Variants in FLNB observed in about 807,000 individuals in gnomAD.
FLNB encodes the protein filamin B, also known as filamin-B.
FLNB carries 111 observed loss-of-function variants against 250.6 expected under a neutral mutation model. The observed-to-expected ratio is 0.44, with a 90% CI of 0.38 to 0.52. The LOEUF is 0.52. Among genes scored for constraint, FLNB ranks in the 20% least tolerant of loss-of-function variants. The pLI, the probability that FLNB is intolerant of heterozygous loss-of-function variation, is 0.00. For synonymous variants in FLNB, 1,302 were observed against 1,372.1 expected (o/e 0.95, Z 1.13); for missense variants, 2,869 against 3,447.8 (o/e 0.83, Z 4.20).
At position 58,106,816 on chromosome 3, in the gene FLNB, G is replaced by A; in HGVS notation, c.1884G>A (p.Lys628=). The A allele has an allele frequency of 6.2e-7, 1 of 1,614,122 alleles. No homozygotes were observed. The highest frequency in any genetic ancestry group is 8.5e-7 in the Non-Finnish European group (1 of 1,180,018). ...TCATGTGTGACGACGAAGACATCAAGGACAGCCCGTACATGGCCTTCATCC... is the reference window on the plus strand; with the variant it reads ...TCATGTGTGACGACGAAGACATCAAAGACAGCCCGTACATGGCCTTCATCC... ...VHIMCDDEDI[K]DSPYMAFIHP... Residue 628 remains lysine (K), a synonymous_variant, in exon 12 of 46, where the codon AAG becomes AAA. Coordinates refer to ENST00000295956, the MANE Select transcript of FLNB (RefSeq NM_001457.4).
chr3:58,020,189 C>T (rs2097111743), intron 1 of FLNB, among the ~76,000 whole-genome samples: 1 of 151,800 alleles, frequency 6.6e-6, no homozygotes, highest in Non-Finnish European at 1.5e-5. Context: ...ATGAGTTCAC[C>T]CACACCCTTT....
chr3:58,069,698 C>T (rs1256882751), intron 1 of FLNB, among the ~76,000 whole-genome samples: 1 of 152,122 alleles, frequency 6.6e-6, no homozygotes, highest in Non-Finnish European at 1.5e-5. Flanking sequence ...GTCCTTCTTG[C>T]AGAGATCTCA....
In FLNB at chr3:58,057,060, G is replaced by A. The variant is rs139901941; in HGVS notation, c.293-19986G>A. Among the ~76,000 whole-genome samples the A allele has an allele frequency of 3.0e-3, 450 of 152,250 alleles. 2 individuals carry two copies. The highest frequency in any genetic ancestry group is 0.01 in the Middle Eastern group (3 of 294). On this transcript the variant is annotated intron_variant, in intron 1 of 45. Coordinates refer to ENST00000295956, the MANE Select transcript of FLNB (RefSeq NM_001457.4). ...AGTGGCATGAACAGGGCTCACTGCA[G>A]CCTTGACCTCCTGGGCTCAATCCTC...
intron 4 of FLNB, among the ~76,000 whole-genome samples, chr3:58,089,243 A>T (rs1162156704): frequency 1.3e-5 from 2 of 152,204 alleles, no homozygotes; most frequent in Admixed American, 1.3e-4. Context: ...AGCCATTAAA[A>T]AAGGCTTCAG....
Position 58,037,493 on chromosome 3 carries a change from C to T in FLNB, c.292+28637C>T, listed in dbSNP as rs142933950. Among the ~76,000 whole-genome samples, 22 of 152,332 alleles carry T rather than the reference C, an allele frequency of 1.4e-4. No individual in the cohort carries two copies. In the South Asian group the frequency reaches 2.7e-3, roughly 19 times the overall value. Reference sequence around the variant, plus strand: ...GGGAGGTTCCTTCACCCTTGCCTCCCGCTGCCTCCTCTTGACCACTCATTT... The same window carrying T: ...GGGAGGTTCCTTCACCCTTGCCTCCTGCTGCCTCCTCTTGACCACTCATTT... On this transcript the variant is annotated intron_variant, in intron 1 of 45. Coordinates refer to ENST00000295956, the MANE Select transcript of FLNB (RefSeq NM_001457.4).
At chr3:58,069,058 G>T (rs1718475) in intron 1 of FLNB, among the ~76,000 whole-genome samples, 3 of 150,992 alleles carry the variant, frequency 2.0e-5, no homozygotes, top group East Asian at 2.0e-4. Flanking sequence ...TGGAAGGATC[G>T]CTTGAGCCCA....
At position 58,124,475 on chromosome 3, in the gene FLNB, TA is replaced by T; in HGVS notation, c.3869del (p.Tyr1290SerfsTer14). Reference protein sequence around the residue: ...CFVTDNADGTYQVEYTPFEKG... With the variant: ...CFVTDNADGTXQVEYTPFEKG... ...TGTCACAGACAATGCGGATGGGACC[TA>T]CCAGGTGGAATACACACCCTTTGAG... On this transcript the variant is annotated frameshift_variant, in exon 22 of 46. Transcript: ENST00000295956. LOFTEE classifies it high-confidence loss of function. 1 of 1,614,220 alleles carries T rather than the reference TA, an allele frequency of 6.2e-7. No homozygotes were observed. The highest frequency in any genetic ancestry group is 8.5e-7 in the Non-Finnish European group (1 of 1,180,016).
At chr3:58,063,683 C>G (rs1458166468) in intron 1 of FLNB, among the ~76,000 whole-genome samples, 1 of 152,094 alleles carries the variant, frequency 6.6e-6, no homozygotes, top group Admixed American at 6.6e-5. Context: ...GTTTTGTTCC[C>G]TTTTATGACT....
rs368395613 is a variant in FLNB at position 58,130,704 on chromosome 3, C to T, written c.4223-37C>T. The T allele has an allele frequency of 2.6e-5, 42 of 1,602,786 alleles. No individual in the cohort carries two copies. The African/African-American group carries it at 4.8e-4, about 18-fold the overall frequency. On this transcript the variant is annotated intron_variant, in intron 24 of 45. Coordinates refer to ENST00000295956, the MANE Select transcript of FLNB (RefSeq NM_001457.4). ...GTGTGCACAAGGTGGTCTCCAATTC[C>T]CAGCTTGTGCTCAGAATCCCACAAC...
chr3:58,055,900 C>G (rs1228371197), intron 1 of FLNB, among the ~76,000 whole-genome samples: 2 of 151,952 alleles, frequency 1.3e-5, no homozygotes, highest in Non-Finnish European at 2.9e-5. Context: ...AACAGTGAGT[C>G]TAAGAACTAC....
In FLNB at chr3:58,153,584, G is replaced by A. The variant is rs781114131; in HGVS notation, c.6577G>A (p.Ala2193Thr). ...CGTGGGGCCACTTGGTGAAGGAGGCGCCCACAAGGTGCGGGCAGGAGGCCC... is the reference window on the plus strand; with the variant it reads ...CGTGGGGCCACTTGGTGAAGGAGGCACCCACAAGGTGCGGGCAGGAGGCCC... ...FTVGPLGEGGAHKVRAGGPGL... is the reference protein window; with the variant it reads ...FTVGPLGEGGTHKVRAGGPGL... The change falls in exon 39 of 46, where the codon GCC (alanine) becomes ACC (threonine). Residue 2193 changes from alanine (A) to threonine (T), a missense_variant. Physicochemically the swap from Ala to Thr is moderately conservative, Grantham distance 58. This residue lies in a region of FLNB where 1,084 missense variants were observed against 1,315.5 expected (regional missense o/e 0.82). Transcript: ENST00000295956. 2.2e-5 allele frequency: 35 copies of A among 1,614,010 alleles called. No individual in the cohort carries two copies. The highest frequency in any genetic ancestry group is 5.0e-5 in the Admixed American group (3 of 60,010).
At chr3:58,121,863 A>G (rs1265653380) in intron 20 of FLNB, among the ~76,000 whole-genome samples, 1 of 152,256 alleles carries the variant, frequency 6.6e-6, no homozygotes, top group Non-Finnish European at 1.5e-5. Flanking sequence ...AGCTAGAATC[A>G]TGTAATATAA....
intron 1 of FLNB, among the ~76,000 whole-genome samples, chr3:58,020,691 A>T (rs1018155719): frequency 2.0e-5 from 3 of 149,922 alleles, no homozygotes; most frequent in Non-Finnish European, 4.4e-5. Context: ...TTACCATGCC[A>T]GACAAGTTTT....
At chr3:58,028,018 T>C (rs1368516977) in intron 1 of FLNB, among the ~76,000 whole-genome samples, 1 of 152,230 alleles carries the variant, frequency 6.6e-6, no homozygotes, top group African/African-American at 2.4e-5. Flanking sequence ...AGCACTACAT[T>C]GAGCCTTTTC....
rs28937587 is a variant in FLNB at position 58,109,627 on chromosome 3, G to A, written c.2251G>A (p.Gly751Ser). Reference protein sequence around the residue: ...HPQKVKVFGPGVERSGLKANE... With the variant: ...HPQKVKVFGPSVERSGLKANE... ...TCAGAAGGTCAAAGTGTTTGGGCCAGGTGTGGAGAGAAGTGGTCTGAAGGC... is the reference window on the plus strand; with the variant it reads ...TCAGAAGGTCAAAGTGTTTGGGCCAAGTGTGGAGAGAAGTGGTCTGAAGGC... Residue 751 changes from glycine to serine, a missense_variant, in exon 15 of 46, where the codon GGT becomes AGT. By Grantham distance (56) the Gly-to-Ser change is moderately conservative (BLOSUM62 0). Coordinates refer to ENST00000295956, the MANE Select transcript of FLNB (RefSeq NM_001457.4). 2 of 1,614,206 alleles carry A rather than the reference G, an allele frequency of 1.2e-6. No individual in the cohort carries two copies. Among genetic ancestry groups the A allele is most frequent in the Non-Finnish European group, 1.7e-6 (2 of 1,180,030 alleles).
chr3:58,109,596 C>G lies in FLNB; in HGVS notation c.2220C>G (p.Ser740Arg). 6.2e-7 allele frequency: 1 copy of G among 1,614,166 alleles called. No individual in the cohort carries two copies. Among genetic ancestry groups the G allele is most frequent in the Non-Finnish European group, 8.5e-7 (1 of 1,180,016 alleles). ...TCTAGGTCAACATCGGGCAAGGTAGCCATCCTCAGAAGGTCAAAGTGTTTG... is the reference window on the plus strand; with the variant it reads ...TCTAGGTCAACATCGGGCAAGGTAGGCATCCTCAGAAGGTCAAAGTGTTTG... The part of the protein sequence containing the change: ...SPYRVNIGQG[S>R]HPQKVKVFGP... Residue 740 changes from serine to arginine, a missense_variant, in exon 15 of 46, where the codon AGC (serine) becomes AGG (arginine). Coordinates refer to ENST00000295956, the MANE Select transcript of FLNB (RefSeq NM_001457.4).
At chr3:58,027,493 G>A (rs1040816903) in intron 1 of FLNB, among the ~76,000 whole-genome samples, 6 of 152,016 alleles carry the variant, frequency 3.9e-5, no homozygotes, top group Non-Finnish European at 8.8e-5. Flanking sequence ...TGTTGGCCAG[G>A]CTGGCTTTGA....
At chr3:58,170,280 CACA>C (rs1481033428) in intron 45 of FLNB, among the ~76,000 whole-genome samples, 7 of 152,188 alleles carry the variant, frequency 4.6e-5, no homozygotes, top group Non-Finnish European at 8.8e-5. Context: ...TCTTAAACCT[CACA>C]ACTAGTTCGT....
At chr3:58,116,559 G>T (rs2097278330) in intron 18 of FLNB, among the ~76,000 whole-genome samples, 1 of 152,218 alleles carries the variant, frequency 6.6e-6, no homozygotes, top group South Asian at 2.1e-4. Flanking sequence ...CCTGCCTGGG[G>T]TGGATGAGTG....
Sources: allele counts gnomAD v4.1 joint callset (sites outside exome capture counted in the v4.1 genomes callset), GRCh38; gene constraint gnomAD v4.1.1; regional missense constraint gnomAD v4.1.1; transcripts MANE v1.5; gene names NCBI Gene and HGNC (gene_info 2026-07-23, HGNC 2026-07-21).